Variants in CELF2 observed in about 807,000 individuals in gnomAD.
The protein encoded by CELF2 is CUG triplet repeat RNA-binding protein 2.
In CELF2, 8 loss-of-function variants were observed where a neutral mutation model predicts 62.6. The ratio of observed to expected loss-of-function variants is 0.13; its 90% CI spans 0.07 to 0.23. The LOEUF is 0.23. Ranked by LOEUF, CELF2 falls within the 10% of genes least tolerant of loss-of-function variation. CELF2 has a pLI of 1.00. For missense variants in CELF2, 333 were observed against 671.0 expected (o/e 0.50, Z 5.56); for synonymous variants, 258 against 250.0 (o/e 1.03, Z -0.30).
chr10:10,641,778 G>A, the CELF2 span, among the ~76,000 whole-genome samples: 4 of 152,088 alleles, frequency 2.6e-5, no homozygotes, highest in Non-Finnish European at 5.9e-5. Flanking sequence ...ATTTATCATT[G>A]ACTAATTCAG....
the CELF2 span, among the ~76,000 whole-genome samples, chr10:10,752,069 TCACTGAAAACATG>T: frequency 6.6e-6 from 1 of 152,210 alleles, no homozygotes; most frequent in African/African-American, 2.4e-5. Flanking sequence ...ACTGGTGTTC[TCACTGAAAACATG>T]CAAGAGGTCA....
chr10:11,162,774 C>T (rs2066016604), intron 1 of CELF2, among the ~76,000 whole-genome samples: 2 of 152,118 alleles, frequency 1.3e-5, no homozygotes, highest in African/African-American at 4.8e-5. Context: ...AGATGCTTCA[C>T]AGATGCAAAG....
chr10:10,678,389 C>T, the CELF2 span, among the ~76,000 whole-genome samples: 1 of 152,100 alleles, frequency 6.6e-6, no homozygotes, highest in Non-Finnish European at 1.5e-5. Context: ...GTTCAATGAT[C>T]TGGCTGTAAA....
At chr10:10,645,335 T>C in the CELF2 span, among the ~76,000 whole-genome samples, 2 of 152,276 alleles carry the variant, frequency 1.3e-5, no homozygotes, top group South Asian at 4.1e-4. Flanking sequence ...ATGATTTACT[T>C]TTAAACCTTT....
chr10:10,598,706 G>GAAA, the CELF2 span, among the ~76,000 whole-genome samples: 148 of 140,404 alleles, frequency 1.1e-3, 1 homozygote, highest in South Asian at 0.013. Context: ...ACCAACATTT[G>GAAA]AAAAAAATCA....
At chr10:11,130,147 G>T (rs1428914886) in intron 1 of CELF2, among the ~76,000 whole-genome samples, 3 of 152,148 alleles carry the variant, frequency 2.0e-5, no homozygotes, top group Admixed American at 6.5e-5. Flanking sequence ...GGTCATTCAG[G>T]AGCAGGTTGT....
At chr10:11,141,675 T>G (rs927453448) in intron 1 of CELF2, among the ~76,000 whole-genome samples, 1 of 152,250 alleles carries the variant, frequency 6.6e-6, no homozygotes, top group Non-Finnish European at 1.5e-5. Context: ...TGCAGACTAA[T>G]CAATCATTGC....
intron 1 of CELF2, among the ~76,000 whole-genome samples, chr10:10,919,635 G>T (rs566753646): frequency 6.6e-6 from 1 of 152,176 alleles, no homozygotes; most frequent in Admixed American, 6.6e-5. Flanking sequence ...TGTCTACAAG[G>T]TGGTTTGGGA....
chr10:11,062,121 A>G (rs1594368748), intron 1 of CELF2, among the ~76,000 whole-genome samples: 1 of 152,164 alleles, frequency 6.6e-6, no homozygotes, highest in Admixed American at 6.5e-5. Flanking sequence ...CGAATTTTTT[A>G]TGCCTACGGT....
the CELF2 span, among the ~76,000 whole-genome samples, chr10:10,691,268 G>C: frequency 5.4e-5 from 8 of 149,198 alleles, no homozygotes; most frequent in African/African-American, 2.0e-4. Context: ...TTGGTTTTTT[G>C]TTCTTGCGAT....
chr10:10,557,201 G>T, the CELF2 span, among the ~76,000 whole-genome samples: 2 of 134,098 alleles, frequency 1.5e-5, no homozygotes, highest in South Asian at 2.5e-4. Context: ...ATCTTGAATT[G>T]ATTTTTGTAT....
At chr10:10,510,919 G>A in the CELF2 span, among the ~76,000 whole-genome samples, 54 of 152,290 alleles carry the variant, frequency 3.5e-4, no homozygotes, top group African/African-American at 1.2e-3. Flanking sequence ...AGCAAGGGAT[G>A]TTCCCAGAAT....
intron 8 of CELF2, among the ~76,000 whole-genome samples, chr10:11,286,034 G>A (rs2091207953): frequency 6.6e-6 from 1 of 152,230 alleles, no homozygotes; most frequent in East Asian, 1.9e-4. Flanking sequence ...GAAATTTGCA[G>A]CTAACAGAGA....
chr10:10,975,879 A>G (rs1401532723), intron 2 of CELF2, among the ~76,000 whole-genome samples: 3 of 152,230 alleles, frequency 2.0e-5, no homozygotes, highest in African/African-American at 4.8e-5. Flanking sequence ...TAGGCAACAC[A>G]CTAAGTCCTA....
the CELF2 span, among the ~76,000 whole-genome samples, chr10:10,489,551 T>G: frequency 1.3e-5 from 2 of 152,100 alleles, no homozygotes; most frequent in Non-Finnish European, 2.9e-5. Flanking sequence ...GAGTATACGG[T>G]GTATATTAGA....
the CELF2 span, among the ~76,000 whole-genome samples, chr10:10,763,700 G>A: frequency 6.6e-6 from 1 of 152,160 alleles, no homozygotes; most frequent in African/African-American, 2.4e-5. Flanking sequence ...GAGGGTCCCT[G>A]TATTTTCACT....
chr10:11,147,466 C>T (rs1234638123), intron 1 of CELF2, among the ~76,000 whole-genome samples: 5 of 152,148 alleles, frequency 3.3e-5, no homozygotes, highest in Non-Finnish European at 7.4e-5. Flanking sequence ...CTACTTCCCT[C>T]CTTTTTTGTT....
At chr10:10,886,702 G>T (rs80275938) in intron 1 of CELF2, among the ~76,000 whole-genome samples, 1,941 of 152,202 alleles carry the variant, frequency 0.013, 44 homozygotes, top group African/African-American at 0.042. Flanking sequence ...CCAGCATGTG[G>T]GTGCATGCCC....
At chr10:10,467,873 T>C in the CELF2 span, among the ~76,000 whole-genome samples, 1 of 152,164 alleles carries the variant, frequency 6.6e-6, no homozygotes, top group East Asian at 1.9e-4. Context: ...AAATAAAAAA[T>C]GTAAACTTTA....
Sources: gnomAD v4.1 joint callset for allele counts (sites outside exome capture counted in the v4.1 genomes callset) on GRCh38, gnomAD v4.1.1 for gene constraint, MANE v1.5 for transcripts, NCBI Gene and HGNC (gene_info 2026-07-23, HGNC 2026-07-21) for gene names.